Variants in SLC13A4 observed in about 807,000 individuals in gnomAD.
The protein encoded by SLC13A4 is solute carrier family 13 member 4, also known as Na(+)/sulfate cotransporter SUT-1.
Under a neutral mutation model 72.7 loss-of-function variants are expected in SLC13A4, and 28 were observed. The ratio of observed to expected loss-of-function variants is 0.39; its 90% CI spans 0.29 to 0.53. The LOEUF (loss-of-function observed/expected upper bound fraction) is 0.53, where lower values mean the gene tolerates loss of function less well. Ranked by LOEUF, SLC13A4 falls within the 20% of genes least tolerant of loss-of-function variation. The pLI is 0.78. For missense variants in SLC13A4, 653 were observed against 788.0 expected (o/e 0.83, Z 2.05); for synonymous variants, 312 against 325.5 (o/e 0.96, Z 0.45).
At chr7:135,686,616 C>G (rs1009972993) in intron 13 of SLC13A4, among the ~76,000 whole-genome samples, 1 of 152,176 alleles carries the variant, frequency 6.6e-6, no homozygotes, top group Non-Finnish European at 1.5e-5. Flanking sequence ...AAGCGATTCT[C>G]CCACGTTGGT....
At chr7:135,724,867 A>G (rs539164841) in intron 1 of SLC13A4, among the ~76,000 whole-genome samples, 1 of 152,304 alleles carries the variant, frequency 6.6e-6, no homozygotes, top group African/African-American at 2.4e-5. Context: ...TTCAGGAGGT[A>G]AGCTTGTATT....
intron 1 of SLC13A4, among the ~76,000 whole-genome samples, chr7:135,724,500 G>GAAAAAAAA (rs5887740): frequency 1.4e-4 from 13 of 94,452 alleles, no homozygotes; most frequent in Non-Finnish European, 1.6e-4. Flanking sequence ...CTCTGTCTCA[G>GAAAAAAAA]AAAAAAAAAA....
At chr7:135,688,280 G>A (rs187918620) in intron 13 of SLC13A4, among the ~76,000 whole-genome samples, 5 of 149,580 alleles carry the variant, frequency 3.3e-5, no homozygotes, top group African/African-American at 1.2e-4. Flanking sequence ...CCAGTCCCTG[G>A]AGTTTTGCTT....
intron 1 of SLC13A4, among the ~76,000 whole-genome samples, chr7:135,723,804 G>T (rs1212117839): frequency 1.3e-5 from 2 of 152,146 alleles, no homozygotes; most frequent in Non-Finnish European, 2.9e-5. Context: ...TGGGAACTGG[G>T]CCCAAAAGTT....
chr7:135,691,126 T>C, intron 13 of SLC13A4, 75 bp downstream of exon 13: 2 of 1,396,656 alleles, frequency 1.4e-6, no homozygotes, highest in Middle Eastern at 1.9e-4. Flanking sequence ...ATTGTGCCAC[T>C]GCACTCCAGC....
rs1796157883 is a variant in SLC13A4 at position 135,706,213 on chromosome 7, C to A, written c.453G>T (p.Val151=). ...TGACCAGCTCCTGCAGCACGGCCTC[C>A]ACGATGGGCATCACCATGGCGGTGG... The part of the protein sequence containing the change: ...TSTTAMVMPI[V]EAVLQELVSA... Residue 151 remains valine, a synonymous_variant, in exon 4 of 16, where the codon GTG becomes GTT. Coordinates refer to ENST00000682651, the MANE Select transcript of SLC13A4 (RefSeq NM_001318192.2). 1.2e-6 allele frequency: 2 copies of A among 1,613,942 alleles called. No individual in the cohort carries two copies. Among genetic ancestry groups the A allele is most frequent in the Non-Finnish European group, 1.7e-6 (2 of 1,179,902 alleles).
At position 135,703,076 on chromosome 7, in the gene SLC13A4, G is replaced by T; in HGVS notation, c.594-192C>A. ...ATGCTGTAAGGATTAGTGGGGCCAGGGGCCTGCTTCCTTCTGAGGGCAGGG... is the reference window on the plus strand; with the variant it reads ...ATGCTGTAAGGATTAGTGGGGCCAGTGGCCTGCTTCCTTCTGAGGGCAGGG... On this transcript the variant is annotated intron_variant, in intron 5 of 15. Transcript: ENST00000682651. The T allele has an allele frequency of 5.1e-6, 3 of 586,006 alleles. No individual in the cohort carries two copies. In the East Asian group the frequency reaches 8.5e-5, roughly 17 times the overall value. The allele number at this position is 586,006 out of a possible 1,614,324, so 36.3% of individuals were successfully genotyped here. A position where few individuals can be genotyped will look rare whatever the true frequency, so the allele number is the denominator to read the frequency against.
chr7:135,694,061 C>A lies in SLC13A4; in HGVS notation c.1121+76G>T, dbSNP rs556858041. 3.4e-6 allele frequency: 3 copies of A among 876,632 alleles called. No individual in the cohort carries two copies. The South Asian group carries it at 4.2e-5, about 12-fold the overall frequency. 54.3% of individuals were successfully genotyped at this position (876,632 alleles called of 1,614,324 possible). ...TCCCAGTGTCAGGGATTGTCAGGAA[C>A]AGGGCTGCTCCTGTGCTCACTTTAC... is the stretch of plus-strand genomic sequence containing the variant. On this transcript the variant is annotated intron_variant, in intron 10 of 15. Transcript: ENST00000682651.
Position 135,707,979 on chromosome 7 carries a change from C to T in SLC13A4, c.365+135G>A, listed in dbSNP as rs565516841. Reference sequence around the variant, plus strand: ...CCCTCTCCCTGGACGGGTCCTATGGCTCTGGTGTCAGCCCGACCCTTTGGT... The same window carrying T: ...CCCTCTCCCTGGACGGGTCCTATGGTTCTGGTGTCAGCCCGACCCTTTGGT... On this transcript the variant is annotated intron_variant, in intron 3 of 15. Coordinates refer to ENST00000682651, the MANE Select transcript of SLC13A4 (RefSeq NM_001318192.2). The T allele has an allele frequency of 1.0e-5, 11 of 1,084,488 alleles. No individual in the cohort carries two copies. The African/African-American group carries it at 1.2e-4, about 12-fold the overall frequency. The allele number at this position is 1,084,488 out of a possible 1,614,324, so 67.2% of individuals were successfully genotyped here.
intron 15 of SLC13A4, chr7:135,683,747 C>T (rs1298895119): frequency 3.0e-6 from 3 of 985,336 alleles, no homozygotes; most frequent in East Asian, 2.3e-4. Context: ...TACACTTCCT[C>T]ATTCTCATCT....
intron 1 of SLC13A4, among the ~76,000 whole-genome samples, chr7:135,724,905 G>T (rs1796621959): frequency 6.6e-6 from 1 of 152,296 alleles, no homozygotes; most frequent in Middle Eastern, 3.4e-3. Flanking sequence ...TGCAAAGTTT[G>T]CTTACAAGGA....
rs111748024 is a variant in SLC13A4, at chr7:135,709,311, C to A, written c.229-1061G>T. ...AAAATGAAAATAGTACAAGGAATAC[C>A]TATACACTCTTTTTTTTTTTCCCTG... On this transcript the variant is annotated intron_variant, in intron 2 of 15. Coordinates refer to ENST00000682651, the MANE Select transcript of SLC13A4 (RefSeq NM_001318192.2). 8.5e-3 allele frequency among the ~76,000 whole-genome samples: 1,292 copies of A among 151,746 alleles called. 22 individuals are homozygous for A. Among genetic ancestry groups the A allele is most frequent in the South Asian group, 0.059 (281 of 4,802 alleles).
chr7:135,714,898 A>G (rs1403233017), intron 2 of SLC13A4, among the ~76,000 whole-genome samples: 1 of 152,226 alleles, frequency 6.6e-6, no homozygotes, highest in African/African-American at 2.4e-5. Context: ...GCTGAGTGAC[A>G]CCAGCCCGAG....
At chr7:135,711,199 G>A (rs1796292849) in intron 2 of SLC13A4, among the ~76,000 whole-genome samples, 4 of 152,200 alleles carry the variant, frequency 2.6e-5, no homozygotes, top group Admixed American at 2.6e-4. Context: ...ATGCGGGACC[G>A]TTGTGGGAGA....
intron 2 of SLC13A4, among the ~76,000 whole-genome samples, chr7:135,713,001 T>G (rs1796337588): frequency 6.6e-6 from 1 of 152,212 alleles, no homozygotes; most frequent in African/African-American, 2.4e-5. Flanking sequence ...CTGCTGGTCC[T>G]TCTCTGGTCC....
intron 2 of SLC13A4, among the ~76,000 whole-genome samples, chr7:135,719,694 C>A (rs1044308578): frequency 6.6e-6 from 1 of 152,036 alleles, no homozygotes; most frequent in Admixed American, 6.6e-5. Flanking sequence ...TGGGGTTGTA[C>A]CCATCTCCAG....
chr7:135,682,303 T>C (rs956015265), intron 15 of SLC13A4, among the ~76,000 whole-genome samples: 1 of 152,182 alleles, frequency 6.6e-6, no homozygotes, highest in African/African-American at 2.4e-5. Context: ...GACTGACCCT[T>C]TTCACTTCTG....
intron 5 of SLC13A4, chr7:135,704,091 A>G (rs980389030): frequency 1.3e-5 from 2 of 152,382 alleles, no homozygotes; most frequent in Admixed American, 6.5e-5. Flanking sequence ...GCAAGAAGCC[A>G]GTAGGGTGAT....
At chr7:135,695,139 T>G (rs1354964320) in intron 9 of SLC13A4, among the ~76,000 whole-genome samples, 1 of 152,240 alleles carries the variant, frequency 6.6e-6, no homozygotes, top group Non-Finnish European at 1.5e-5. Flanking sequence ...TTAGTTGGAA[T>G]TAAGAACATT....
Sources: gnomAD v4.1 joint callset for allele counts (sites outside exome capture counted in the v4.1 genomes callset) on GRCh38, gnomAD v4.1.1 for gene constraint, MANE v1.5 for transcripts, NCBI Gene and HGNC (gene_info 2026-07-23, HGNC 2026-07-21) for gene names.